SLC68A1: variants seen among roughly 807,000 people sequenced by gnomAD.
SLC68A1 encodes the protein solute carrier family 68 member 1.
At chr10:102,472,188 AC>A in the SLC68A1 span, 3 of 345,126 alleles carry the variant, frequency 8.7e-6, no homozygotes, top group African/African-American at 6.5e-5. Flanking sequence ...TAAGTGCTGT[AC>A]CTAAAACATG....
the SLC68A1 span, among the ~76,000 whole-genome samples, chr10:102,474,754 C>A: frequency 6.6e-6 from 1 of 152,078 alleles, no homozygotes; most frequent in African/African-American, 2.4e-5. Flanking sequence ...TTCAAGTGAG[C>A]CTGCCACCTA....
the SLC68A1 span, chr10:102,470,804 C>T: frequency 6.2e-7 from 1 of 1,613,990 alleles, no homozygotes; most frequent in Non-Finnish European, 8.5e-7. Context: ...CTTGCTGTGC[C>T]TGTGCCTCTA....
At chr10:102,474,428 T>C in the SLC68A1 span, among the ~76,000 whole-genome samples, 1 of 152,084 alleles carries the variant, frequency 6.6e-6, no homozygotes, top group Non-Finnish European at 1.5e-5. Flanking sequence ...TATGTAGTAT[T>C]ATCAGGGAAG....
chr10:102,476,061 TTAAGGATTTCATAG>T, the SLC68A1 span: 3 of 1,315,632 alleles, frequency 2.3e-6, 1 homozygote, highest in Non-Finnish European at 2.9e-6. Flanking sequence ...GGTTTTTTTT[TTAAGGATTTCATAG>T]TTTTTTTTTT....
chr10:102,464,808 GGAAAAA>G, the SLC68A1 span, among the ~76,000 whole-genome samples: 1 of 139,358 alleles, frequency 7.2e-6, no homozygotes, highest in Non-Finnish European at 1.6e-5. Context: ...AAAAAAAAGA[GGAAAAA>G]GAAAAAGAAA....
chr10:102,468,913 C>G, the SLC68A1 span: 76 of 792,380 alleles, frequency 9.6e-5, 1 homozygote, highest in African/African-American at 1.2e-3. Flanking sequence ...AAGAACAGAG[C>G]TGGCTCTGAT....
chr10:102,474,179 A>G, the SLC68A1 span, among the ~76,000 whole-genome samples: 1 of 152,216 alleles, frequency 6.6e-6, no homozygotes, highest in Non-Finnish European at 1.5e-5. Context: ...ATGCTTTCTT[A>G]GTTCATTCAT....
At chr10:102,463,860 G>A in the SLC68A1 span, among the ~76,000 whole-genome samples, 1 of 152,062 alleles carries the variant, frequency 6.6e-6, no homozygotes, top group African/African-American at 2.4e-5. Context: ...GTTATCCTAG[G>A]GTATCTTAGG....
At chr10:102,464,750 A>G in the SLC68A1 span, among the ~76,000 whole-genome samples, 1 of 143,010 alleles carries the variant, frequency 7.0e-6, no homozygotes, top group Non-Finnish European at 1.5e-5. Flanking sequence ...AGATTGTGCC[A>G]CTGCACTCCA....
chr10:102,470,586 C>G, the SLC68A1 span: 6 of 1,548,506 alleles, frequency 3.9e-6, no homozygotes, highest in Non-Finnish European at 1.7e-6. Context: ...TCCATCCCTC[C>G]CCTGGGGCCT....
At chr10:102,465,683 T>A in the SLC68A1 span, among the ~76,000 whole-genome samples, 1 of 152,146 alleles carries the variant, frequency 6.6e-6, no homozygotes, top group South Asian at 2.1e-4. Context: ...CTCACCAGCT[T>A]ATGCAAGGAG....
chr10:102,471,072 C>T, the SLC68A1 span: 25 of 1,613,700 alleles, frequency 1.5e-5, no homozygotes, highest in Middle Eastern at 1.6e-4. Context: ...CGGGTTGAGG[C>T]GGCCCGAAAG....
chr10:102,464,226 G>A, the SLC68A1 span, among the ~76,000 whole-genome samples: 8 of 152,142 alleles, frequency 5.3e-5, no homozygotes, highest in South Asian at 2.1e-4. Context: ...CAAGGCGGGC[G>A]GATTGCTTGA....
chr10:102,474,439 G>C, the SLC68A1 span, among the ~76,000 whole-genome samples: 2 of 152,152 alleles, frequency 1.3e-5, no homozygotes, highest in South Asian at 2.1e-4. Context: ...ATCAGGGAAG[G>C]CCTCTCCGAG....
the SLC68A1 span, chr10:102,472,721 G>GA: frequency 1.4e-6 from 1 of 736,484 alleles, no homozygotes; most frequent in Non-Finnish European, 2.5e-6. Flanking sequence ...GGGACATGGG[G>GA]AAAAAGGCCT....
chr10:102,473,903 C>T, the SLC68A1 span: 1 of 1,614,164 alleles, frequency 6.2e-7, no homozygotes, highest in Non-Finnish European at 8.5e-7. Context: ...TGCTGAACCA[C>T]CGCAAGCAGG....
At chr10:102,465,538 C>T in the SLC68A1 span, among the ~76,000 whole-genome samples, 2 of 152,164 alleles carry the variant, frequency 1.3e-5, no homozygotes, top group African/African-American at 4.8e-5. Context: ...ACATTAACAT[C>T]CCCACTTTGT....
chr10:102,475,877 C>T, the SLC68A1 span: 4 of 1,613,844 alleles, frequency 2.5e-6, no homozygotes, highest in Non-Finnish European at 3.4e-6. Context: ...TCTGCTGCAG[C>T]TCTTCACCTG....
chr10:102,475,753 C>G, the SLC68A1 span: 1 of 1,612,416 alleles, frequency 6.2e-7, no homozygotes, highest in Non-Finnish European at 8.5e-7. Context: ...CCCTCATAAC[C>G]CCTGTGGGGA....
Sources: allele counts gnomAD v4.1 joint callset (sites outside exome capture counted in the v4.1 genomes callset), GRCh38; gene constraint gnomAD v4.1.1; transcripts MANE v1.5; gene names NCBI Gene and HGNC (gene_info 2026-07-23, HGNC 2026-07-21).